The following FAM240B variants were observed in gnomAD, a reference collection of about 807,000 sequenced individuals.
FAM240B encodes the protein family with sequence similarity 240 member B.
At chr9:38,702,692 C>A (rs1821144835) in intron 2 of FAM240B, among the ~76,000 whole-genome samples, 1 of 152,178 alleles carries the variant, frequency 6.6e-6, no homozygotes, top group South Asian at 2.1e-4. Flanking sequence ...TGGAATAGAA[C>A]AACAAGTTCA....
chr9:38,710,310 G>A (rs1821239905), intron 1 of FAM240B, among the ~76,000 whole-genome samples: 1 of 152,264 alleles, frequency 6.6e-6, no homozygotes, highest in Non-Finnish European at 1.5e-5. Context: ...GATTCTCTCA[G>A]AATATAAGAT....
intron 1 of FAM240B, among the ~76,000 whole-genome samples, chr9:38,709,275 T>G (rs1444102883): frequency 6.6e-6 from 1 of 152,214 alleles, no homozygotes; most frequent in Non-Finnish European, 1.5e-5. Flanking sequence ...CTGTGCCATC[T>G]TCTTCCTTCC....
chr9:38,713,279 C>A (rs1821274692), intron 1 of FAM240B, among the ~76,000 whole-genome samples: 1 of 151,996 alleles, frequency 6.6e-6, no homozygotes, highest in Non-Finnish European at 1.5e-5. Flanking sequence ...GAGATCGAGA[C>A]CATCCTGGCT....
intron 1 of FAM240B, among the ~76,000 whole-genome samples, chr9:38,704,921 C>T (rs887792038): frequency 5.3e-5 from 8 of 152,218 alleles, no homozygotes; most frequent in Admixed American, 1.3e-4. Flanking sequence ...TTTTGCTCTA[C>T]AGATCTTCTT....
chr9:38,712,981 A>G (rs1821271696), intron 1 of FAM240B, among the ~76,000 whole-genome samples: 1 of 152,180 alleles, frequency 6.6e-6, no homozygotes, highest in South Asian at 2.1e-4. Context: ...CTGTCATCAT[A>G]GACTAAAATT....
intron 1 of FAM240B, among the ~76,000 whole-genome samples, chr9:38,712,524 C>T (rs1455734214): frequency 6.6e-6 from 1 of 152,098 alleles, no homozygotes; most frequent in Non-Finnish European, 1.5e-5. Flanking sequence ...TTTACTATTC[C>T]TGTATTCGTG....
chr9:38,714,165 T>C (rs1004179387), intron 1 of FAM240B, among the ~76,000 whole-genome samples: 1 of 152,136 alleles, frequency 6.6e-6, no homozygotes, highest in African/African-American at 2.4e-5. Flanking sequence ...TGAATTCAAA[T>C]TGATAGAAAT....
At position 38,713,346 on chromosome 9, in the gene FAM240B, C is replaced by T. The variant is rs12351468; in HGVS notation, c.-4+6676G>A. Among the ~76,000 whole-genome samples, 1,095 of 151,960 alleles carry T rather than the reference C, an allele frequency of 7.2e-3. 12 individuals carry two copies. Among genetic ancestry groups the T allele is most frequent in the African/African-American group, 0.025 (1,016 of 41,452 alleles). The stretch of plus-strand genomic sequence containing the variant: ...ACAAAAGATTAGCTGGGCATGGTGG[C>T]GAGCGCCTGTAGTCCCAGCTATTCG... On this transcript the variant is annotated intron_variant, in intron 1 of 2. Coordinates refer to ENST00000637493, the MANE Select transcript of FAM240B (RefSeq NM_001394922.1).
intron 2 of FAM240B, among the ~76,000 whole-genome samples, chr9:38,700,305 T>C (rs1191467853): frequency 6.6e-6 from 1 of 152,216 alleles, no homozygotes; most frequent in Non-Finnish European, 1.5e-5. Flanking sequence ...ATTGATACAA[T>C]TGATAGGCAG....
At chr9:38,713,294 C>T (rs142476626) in intron 1 of FAM240B, among the ~76,000 whole-genome samples, 3,025 of 151,974 alleles carry the variant, frequency 0.02, 86 homozygotes, top group African/African-American at 0.066. Flanking sequence ...CTGGCTAACA[C>T]GGTGAAACCC....
At chr9:38,701,294 T>G (rs1006850874) in intron 2 of FAM240B, among the ~76,000 whole-genome samples, 3 of 152,152 alleles carry the variant, frequency 2.0e-5, no homozygotes, top group African/African-American at 7.2e-5. Context: ...TGGGAGATTA[T>G]TACTTTGTTA....
chr9:38,694,759 G>T lies in FAM240B; in HGVS notation c.*17C>A. 2.5e-6 allele frequency: 1 copy of T among 398,542 alleles called. No homozygotes were observed. The highest frequency in any genetic ancestry group is 4.4e-6 in the Non-Finnish European group (1 of 226,050). The allele number at this position is 398,542 out of a possible 1,614,324, so 24.7% of individuals were successfully genotyped here. On this transcript the variant is annotated 3_prime_UTR_variant, in exon 3 of 3. Coordinates refer to ENST00000637493, the MANE Select transcript of FAM240B (RefSeq NM_001394922.1). ...GTGGTCGCTTGCTATCTTTGAAGTC[G>T]GTGAGGCAGGCAGAGCTCAGTCCGC...
At chr9:38,703,330 T>C (rs145018371) in intron 2 of FAM240B, among the ~76,000 whole-genome samples, 1 of 152,168 alleles carries the variant, frequency 6.6e-6, no homozygotes, top group African/African-American at 2.4e-5. Flanking sequence ...CGATCTCAAG[T>C]CTGTAGCCCT....
intron 2 of FAM240B, among the ~76,000 whole-genome samples, chr9:38,702,688 A>G (rs1821144773): frequency 6.6e-6 from 1 of 152,220 alleles, no homozygotes; most frequent in Non-Finnish European, 1.5e-5. Context: ...TCCTTGGAAT[A>G]GAACAACAAG....
At chr9:38,695,973 C>T (rs1199718631) in intron 2 of FAM240B, among the ~76,000 whole-genome samples, 2 of 152,282 alleles carry the variant, frequency 1.3e-5, no homozygotes, top group African/African-American at 2.4e-5. Flanking sequence ...GGTGCTGGAA[C>T]ATTATGTATC....
chr9:38,718,209 G>C (rs1821330966), intron 1 of FAM240B, among the ~76,000 whole-genome samples: 1 of 152,126 alleles, frequency 6.6e-6, no homozygotes, highest in Non-Finnish European at 1.5e-5. Context: ...ATTCCTGCTT[G>C]GGTCTATTAC....
chr9:38,713,642 G>A (rs557076394), intron 1 of FAM240B, among the ~76,000 whole-genome samples: 51 of 152,282 alleles, frequency 3.3e-4, no homozygotes, highest in African/African-American at 1.2e-3. Context: ...GTTGATGAGT[G>A]TGCTGTAATT....
chr9:38,695,177 T>C (rs57797065), intron 2 of FAM240B, among the ~76,000 whole-genome samples: 8,121 of 152,274 alleles, frequency 0.053, 256 homozygotes, highest in Non-Finnish European at 0.069. Flanking sequence ...TGTATTCCTA[T>C]ACATTCTGCA....
intron 2 of FAM240B, among the ~76,000 whole-genome samples, chr9:38,702,229 T>C (rs559167871): frequency 1.3e-5 from 2 of 152,256 alleles, no homozygotes; most frequent in South Asian, 4.1e-4. Context: ...TTCTAGCATG[T>C]AGGAAGGCCT....
Sources: gnomAD v4.1 joint callset for allele counts (sites outside exome capture counted in the v4.1 genomes callset) on GRCh38, gnomAD v4.1.1 for gene constraint, MANE v1.5 for transcripts, NCBI Gene and HGNC (gene_info 2026-07-23, HGNC 2026-07-21) for gene names.